Variants in PTPRO observed in about 807,000 individuals in gnomAD.
PTPRO encodes receptor-type tyrosine-protein phosphatase O.
Under a neutral mutation model 145.2 loss-of-function variants are expected in PTPRO, and 62 were observed. That is an observed-to-expected ratio of 0.43 (90% confidence interval 0.35 to 0.53). PTPRO has a LOEUF of 0.53. Ranked by LOEUF, PTPRO falls within the 20% of genes least tolerant of loss-of-function variation. The pLI, the probability that PTPRO is intolerant of heterozygous loss-of-function variation, is 0.01. For missense variants in PTPRO, 1,345 were observed against 1,482.7 expected, an observed-to-expected ratio of 0.91 and a Z score of 1.53; for synonymous variants, 565 against 514.7, an observed-to-expected ratio of 1.10 and a Z score of -1.32.
At chr12:15,420,061 G>T (rs1940095461) in intron 1 of PTPRO, among the ~76,000 whole-genome samples, 1 of 149,324 alleles carries the variant, frequency 6.7e-6, no homozygotes, top group African/African-American at 2.5e-5. Flanking sequence ...GCAGGAGAAC[G>T]GTGTGAAACC....
At chr12:15,404,464 TTTTA>T (rs1309494233) in intron 1 of PTPRO, among the ~76,000 whole-genome samples, 2 of 152,216 alleles carry the variant, frequency 1.3e-5, no homozygotes, top group African/African-American at 4.8e-5. Flanking sequence ...TTGGGAATTT[TTTTA>T]TTTATTTGTG....
At chr12:15,484,376 C>A (rs1264288623) in intron 2 of PTPRO, 129 bp downstream of exon 2, 2 of 989,776 alleles carry the variant, frequency 2.0e-6, no homozygotes, top group African/African-American at 1.6e-5. Flanking sequence ...GACGTAGATT[C>A]AAAGTTATGA....
At chr12:15,327,319 T>C (rs997371235) in intron 1 of PTPRO, among the ~76,000 whole-genome samples, 2 of 152,216 alleles carry the variant, frequency 1.3e-5, no homozygotes, top group Admixed American at 1.3e-4. Flanking sequence ...AATTAAAAAG[T>C]AGCAAATGAC....
chr12:15,550,846 T>C (rs1025825623), intron 14 of PTPRO, among the ~76,000 whole-genome samples: 2 of 152,220 alleles, frequency 1.3e-5, no homozygotes, highest in Non-Finnish European at 2.9e-5. Flanking sequence ...GCCTTTGATA[T>C]CCTGTTCTTC....
intron 23 of PTPRO, among the ~76,000 whole-genome samples, chr12:15,582,378 A>T (rs1330988762): frequency 6.6e-6 from 1 of 152,250 alleles, no homozygotes; most frequent in Non-Finnish European, 1.5e-5. Context: ...TGGGAGACCA[A>T]CCCAATGAGC....
At chr12:15,581,153 T>A (rs1944305384) in intron 22 of PTPRO, among the ~76,000 whole-genome samples, 1 of 152,130 alleles carries the variant, frequency 6.6e-6, no homozygotes, top group South Asian at 2.1e-4. Context: ...TGCATGGTGG[T>A]GGGTAAAACT....
chr12:15,448,405 C>G (rs1231743052), intron 1 of PTPRO, among the ~76,000 whole-genome samples: 1 of 128,166 alleles, frequency 7.8e-6, no homozygotes, highest in Non-Finnish European at 1.6e-5. Context: ...AAAATAGCAT[C>G]ATCTGTCTTC....
intron 7 of PTPRO, among the ~76,000 whole-genome samples, chr12:15,509,567 C>T (rs899505357): frequency 8.1e-4 from 123 of 151,422 alleles, no homozygotes; most frequent in African/African-American, 2.8e-3. Flanking sequence ...CGTGGTGGCA[C>T]GTGCCTGTAA....
chr12:15,409,610 T>TAGATTGTACAGGAA (rs1939739524), intron 1 of PTPRO, among the ~76,000 whole-genome samples: 1 of 152,130 alleles, frequency 6.6e-6, no homozygotes, highest in South Asian at 2.1e-4. Flanking sequence ...CCTGGTTCTG[T>TAGATTGTACAGGAA]AGATTGTACA....
chr12:15,437,936 G>A (rs1041183425), intron 1 of PTPRO, among the ~76,000 whole-genome samples: 1 of 152,172 alleles, frequency 6.6e-6, no homozygotes, highest in South Asian at 2.1e-4. Flanking sequence ...TCAGACCAAT[G>A]TGTATTCTAT....
At chr12:15,429,733 G>A (rs1220769686) in intron 1 of PTPRO, among the ~76,000 whole-genome samples, 1 of 152,156 alleles carries the variant, frequency 6.6e-6, no homozygotes, top group East Asian at 1.9e-4. Context: ...TTTATACATT[G>A]AAAAATGTTC....
At chr12:15,445,513 T>C (rs970081705) in intron 1 of PTPRO, among the ~76,000 whole-genome samples, 9 of 152,088 alleles carry the variant, frequency 5.9e-5, no homozygotes, top group Non-Finnish European at 1.3e-4. Flanking sequence ...TGGTTCTTAT[T>C]TTTAAAGCAT....
intron 12 of PTPRO, among the ~76,000 whole-genome samples, chr12:15,534,663 T>C (rs1264131045): frequency 1.3e-5 from 2 of 152,070 alleles, no homozygotes; most frequent in Non-Finnish European, 1.5e-5. Flanking sequence ...AGAAGGAGGA[T>C]GCCAGACAGA....
intron 4 of PTPRO, among the ~76,000 whole-genome samples, chr12:15,500,688 G>A (rs1438289560): frequency 5.3e-5 from 8 of 152,158 alleles, no homozygotes; most frequent in Non-Finnish European, 1.2e-4. Context: ...TTGGGAGGCC[G>A]AGGCAGGTGG....
intron 1 of PTPRO, among the ~76,000 whole-genome samples, chr12:15,447,378 G>T (rs1392218567): frequency 6.6e-6 from 1 of 152,040 alleles, no homozygotes; most frequent in Non-Finnish European, 1.5e-5. Flanking sequence ...GAATAAAAAG[G>T]CAAAGCAATG....
chr12:15,407,091 G>C (rs2136307164), intron 1 of PTPRO, among the ~76,000 whole-genome samples: 1 of 152,256 alleles, frequency 6.6e-6, no homozygotes. Context: ...TTGAGCTTTT[G>C]GATCACAGAA....
Position 15,398,045 on chromosome 12 carries a change from G to C in PTPRO, c.75+75244G>C, listed in dbSNP as rs140697284. Among the ~76,000 whole-genome samples the C allele has an allele frequency of 5.8e-3, 890 of 152,276 alleles. 9 individuals are homozygous for C. The highest frequency in any genetic ancestry group is 0.02 in the African/African-American group (833 of 41,556). On this transcript the variant is annotated intron_variant, in intron 1 of 26. Coordinates refer to ENST00000281171, the MANE Select transcript of PTPRO (RefSeq NM_030667.3). ...AAAACAGGGGCATGAGGCGAGGCAA[G>C]GGTTAATTGTTGCTCCCAACACAGT...
chr12:15,452,929 T>C (rs1903416), intron 1 of PTPRO, among the ~76,000 whole-genome samples: 130,760 of 152,110 alleles, frequency 0.86, 59,089 homozygotes, highest in Non-Finnish European at 0.99. Flanking sequence ...ATTTATTTGT[T>C]GGATATGGAA....
rs971068255 is a variant in PTPRO, at chr12:15,563,466, T to C, written c.2712-2127T>C. On this transcript the variant is annotated intron_variant, in intron 17 of 26. Transcript: ENST00000281171. ...TCAGTGTTGCTGTGGAGTTTCATAA[T>C]TCAATCCTGTCATGTTCCACAGCCT... Among the ~76,000 whole-genome samples the C allele has an allele frequency of 2.0e-5, 3 of 152,268 alleles. No individual in the cohort carries two copies. The East Asian group carries it at 5.8e-4, about 29-fold the overall frequency.
Sources: gnomAD v4.1 joint callset for allele counts (sites outside exome capture counted in the v4.1 genomes callset) on GRCh38, gnomAD v4.1.1 for gene constraint, MANE v1.5 for transcripts, NCBI Gene and HGNC (gene_info 2026-07-23, HGNC 2026-07-21) for gene names.